RNMT: variants seen among roughly 807,000 people sequenced by gnomAD.
RNMT encodes RNA guanine-7 methyltransferase, also known as mRNA cap guanine-N(7) methyltransferase.
In RNMT, 27 loss-of-function variants were observed where a neutral mutation model predicts 56.0. The ratio of observed to expected loss-of-function variants is 0.48; its 90% CI spans 0.36 to 0.67. The LOEUF (loss-of-function observed/expected upper bound fraction) is 0.67. RNMT is among the 30% of genes least tolerant of loss of function. The probability of loss-of-function intolerance (pLI) is 0.00; values close to 1 mark genes in which losing one functional copy is unlikely to be tolerated. For missense variants in RNMT, 519 were observed against 552.1 expected (o/e 0.94, Z 0.60); for synonymous variants, 184 against 176.2 (o/e 1.04, Z -0.35).
rs1482942493 is a variant in RNMT, at chr18:13,760,047, A to G, written c.*68A>G. ...ACAAATTTGAACAACTCATCTCGAT[A>G]TATTTGATATTTCTCTGTCTGTTGA... On this transcript the variant is annotated 3_prime_UTR_variant, in exon 12 of 12. Coordinates refer to ENST00000383314, the MANE Select transcript of RNMT (RefSeq NM_003799.3). 6.4e-7 allele frequency: 1 copy of G among 1,570,726 alleles called. No individual in the cohort carries two copies. The highest frequency in any genetic ancestry group is 1.4e-5 in the African/African-American group (1 of 73,844).
At chr18:13,742,691 C>T (rs770435133) in intron 8 of RNMT, 39 bp downstream of exon 8, 91 of 1,473,868 alleles carry the variant, frequency 6.2e-5, no homozygotes, top group Non-Finnish European at 7.8e-5. Context: ...TTCTTTTTGT[C>T]TTAAGGGAAA....
At chr18:13,753,146 T>A (rs2044480137) in intron 10 of RNMT, among the ~76,000 whole-genome samples, 1 of 152,234 alleles carries the variant, frequency 6.6e-6, no homozygotes, top group South Asian at 2.1e-4. Flanking sequence ...AAGATAGGCC[T>A]TTTTTATTTT....
chr18:13,737,287 A>T (rs536016318), intron 5 of RNMT, 152 bp downstream of exon 5: 130 of 697,850 alleles, frequency 1.9e-4, no homozygotes, highest in Middle Eastern at 8.5e-4. Context: ...TCATGCCTGT[A>T]ATCCAACATT....
chr18:13,760,676 G>A lies in RNMT; in HGVS notation c.*697G>A. ...ATTAATGTTTCCAGTTATCAAGATT[G>A]TGATTAGACACATTTACCTTTCTTC... On this transcript the variant is annotated 3_prime_UTR_variant, in exon 12 of 12. Coordinates refer to ENST00000383314, the MANE Select transcript of RNMT (RefSeq NM_003799.3). The A allele has an allele frequency of 1.0e-6, 1 of 985,264 alleles. No individual in the cohort carries two copies. Among genetic ancestry groups the A allele is most frequent in the Non-Finnish European group, 1.2e-6 (1 of 829,812 alleles). 61.0% of individuals were successfully genotyped at this position (985,264 alleles called of 1,614,324 possible).
chr18:13,726,874 A>G (rs117079700), intron 1 of RNMT, 145 bp downstream of exon 1: 2,710 of 152,246 alleles, frequency 0.018, 31 homozygotes, highest in Middle Eastern at 0.061. Context: ...GCGTGGGTCT[A>G]TTGCCTTGTG....
intron 7 of RNMT, 95 bp downstream of exon 7, chr18:13,741,786 A>G (rs1381109271): frequency 1.3e-6 from 1 of 790,984 alleles, no homozygotes; most frequent in Non-Finnish European, 1.9e-6. Context: ...ACGCTATTTT[A>G]ATCTTATAAG....
At chr18:13,734,299 T>A (rs1430615536) in intron 3 of RNMT, among the ~76,000 whole-genome samples, 165 bp from the exon 4 acceptor site, 1 of 152,176 alleles carries the variant, frequency 6.6e-6, no homozygotes, top group Admixed American at 6.5e-5. Flanking sequence ...AGAAAACAAA[T>A]CTTAGGTCTA....
At chr18:13,737,629 A>T (rs902250663) in intron 5 of RNMT, among the ~76,000 whole-genome samples, 2 of 152,148 alleles carry the variant, frequency 1.3e-5, no homozygotes, top group Non-Finnish European at 2.9e-5. Context: ...TCCCAAAAGG[A>T]AGGAAGCTAT....
At position 13,756,548 on chromosome 18, in the gene RNMT, G is replaced by T. The variant is rs76597501; in HGVS notation, c.1393+2401G>T. 4.0e-3 allele frequency among the ~76,000 whole-genome samples: 607 copies of T among 152,256 alleles called. 3 individuals carry two copies. Among genetic ancestry groups the T allele is most frequent in the African/African-American group, 0.014 (567 of 41,540 alleles). On this transcript the variant is annotated intron_variant, in intron 11 of 11. Coordinates refer to ENST00000383314, the MANE Select transcript of RNMT (RefSeq NM_003799.3). Reference sequence around the variant, plus strand: ...ACGCTGATGTGTTGCAAGTGCTGGGGACTGCTTTGTCTCCTTACCTTCTGG... The same window carrying T: ...ACGCTGATGTGTTGCAAGTGCTGGGTACTGCTTTGTCTCCTTACCTTCTGG...
At chr18:13,747,014 C>T (rs778189096) in intron 9 of RNMT, among the ~76,000 whole-genome samples, 2 of 152,102 alleles carry the variant, frequency 1.3e-5, no homozygotes, top group Non-Finnish European at 2.9e-5. Flanking sequence ...TTTCTCCTTA[C>T]CAGACAATGT....
At chr18:13,754,589 A>G (rs563238538) in intron 11 of RNMT, among the ~76,000 whole-genome samples, 91 of 152,364 alleles carry the variant, frequency 6.0e-4, no homozygotes, top group Non-Finnish European at 9.7e-4. Context: ...ATATCTCTAC[A>G]TATGTCTAAT....
At chr18:13,731,371 G>A (rs544591625) in intron 2 of RNMT, 105 bp from the exon 3 acceptor site, 5 of 561,886 alleles carry the variant, frequency 8.9e-6, no homozygotes, top group Admixed American at 6.7e-5. Flanking sequence ...TCATGCCATT[G>A]CACTCCAGCC....
intron 3 of RNMT, among the ~76,000 whole-genome samples, chr18:13,732,674 A>T (rs994765445): frequency 1.3e-5 from 2 of 151,802 alleles, no homozygotes; most frequent in African/African-American, 2.4e-5. Context: ...CCTTATGAGG[A>T]AAGTGACTGA....
chr18:13,734,972 T>C (rs1042733424), intron 4 of RNMT, among the ~76,000 whole-genome samples: 6 of 152,190 alleles, frequency 3.9e-5, no homozygotes, highest in African/African-American at 1.4e-4. Flanking sequence ...GTGTATTACA[T>C]TGAGGATAGA....
At chr18:13,734,855 G>A (rs928092837) in intron 4 of RNMT, among the ~76,000 whole-genome samples, 10 of 152,128 alleles carry the variant, frequency 6.6e-5, no homozygotes, top group Admixed American at 3.3e-4. Flanking sequence ...TACTCTAATA[G>A]TTTTGGAGCA....
At chr18:13,741,428 A>C in intron 6 of RNMT, 82 bp from the exon 7 acceptor site, 1 of 864,970 alleles carries the variant, frequency 1.2e-6, no homozygotes, top group Non-Finnish European at 1.8e-6. Context: ...AGAACCTTAC[A>C]TTCTAGAAGT....
rs141951115 is a variant in RNMT at position 13,757,127 on chromosome 18, C to T, written c.1394-2815C>T. On this transcript the variant is annotated intron_variant, in intron 11 of 11. Transcript: ENST00000383314. The stretch of plus-strand genomic sequence containing the variant: ...GTTGTGTCTGAAAACCATGTACATA[C>T]CTTAATTTAAAAATACTTCATTGGT... Among the ~76,000 whole-genome samples, 21 of 151,768 alleles carry T rather than the reference C, an allele frequency of 1.4e-4. No homozygotes were observed. The East Asian group carries it at 4.1e-3, about 29-fold the overall frequency.
chr18:13,755,607 C>T (rs931414208), intron 11 of RNMT, among the ~76,000 whole-genome samples: 2 of 152,168 alleles, frequency 1.3e-5, no homozygotes, highest in African/African-American at 4.8e-5. Context: ...AGGAGTCAAG[C>T]AAGACCAGTA....
chr18:13,759,803 A>T, intron 11 of RNMT, 139 bp from the exon 12 acceptor site: 1 of 655,160 alleles, frequency 1.5e-6, no homozygotes, highest in South Asian at 2.0e-5. Context: ...TAATAGAGGA[A>T]CTCTTAGAAT....
Sources: allele counts gnomAD v4.1 joint callset (sites outside exome capture counted in the v4.1 genomes callset), GRCh38; gene constraint gnomAD v4.1.1; transcripts MANE v1.5; gene names NCBI Gene and HGNC (gene_info 2026-07-23, HGNC 2026-07-21).